The following DNAH11 variants were observed in gnomAD, a reference collection of about 807,000 sequenced individuals.
DNAH11 encodes the protein dynein axonemal heavy chain 11, also known as axonemal beta dynein heavy chain 11.
DNAH11 carries 442 observed loss-of-function variants against 526.0 expected under a neutral mutation model. The ratio of observed to expected loss-of-function variants is 0.84; its 90% confidence interval spans 0.78 to 0.91. The LOEUF is 0.91. Ranked by LOEUF, DNAH11 falls within the 40% of genes least tolerant of loss-of-function variation. The probability of loss-of-function intolerance (pLI) is 0.00; values close to 1 mark genes in which losing one functional copy is unlikely to be tolerated. For synonymous variants in DNAH11, 2,461 were observed against 1,935.9 expected (o/e 1.27, Z -7.12); for missense variants, 6,989 against 5,448.7 (o/e 1.28, Z -8.90).
At chr7:21,727,053 A>C (rs1398569173) in intron 45 of DNAH11, among the ~76,000 whole-genome samples, 11 of 141,688 alleles carry the variant, frequency 7.8e-5, no homozygotes, top group African/African-American at 2.9e-4. Flanking sequence ...CCTGCCTCAG[A>C]CTCCCAAGTA....
In DNAH11 at chr7:21,880,716, A is replaced by G; in HGVS notation, c.12210A>G (p.Ile4070Met). ...LYNFDQDTLE[I>M]CSKEQEFKSI... ...TTTTTTCCCAGGATACACTTGAAAT[A>G]TGCTCCAAGGAGCAGGAGTTTAAAA... The change falls in exon 75 of 82, where the codon ATA (isoleucine) becomes ATG (methionine). Residue 4070 changes from isoleucine (I) to methionine (M), a missense_variant. Coordinates refer to ENST00000409508, the MANE Select transcript of DNAH11 (RefSeq NM_001277115.2). 8 of 1,613,892 alleles carry G rather than the reference A, an allele frequency of 5.0e-6. No homozygotes were observed. The highest frequency in any genetic ancestry group is 1.1e-5 in the South Asian group (1 of 91,066).
intron 9 of DNAH11, among the ~76,000 whole-genome samples, chr7:21,584,155 G>A (rs530012781): frequency 3.9e-5 from 6 of 152,128 alleles, no homozygotes; most frequent in Non-Finnish European, 8.8e-5. Context: ...ACTGTTCACA[G>A]TAGCAAAGAC....
chr7:21,725,003 A>AC (rs1785042363), intron 44 of DNAH11, among the ~76,000 whole-genome samples: 2 of 152,232 alleles, frequency 1.3e-5, no homozygotes, highest in African/African-American at 4.8e-5. Flanking sequence ...CATCCTGTGG[A>AC]TATAGAAGGG....
rs1783300629 is a variant in DNAH11, at chr7:21,866,823, G to A, written c.11690+160G>A. Reference sequence around the variant, plus strand: ...ATAATCACTGCTACTGTTAAAATTTGCTAAACACTAAACCATGTGCTAGGC... The same window carrying A: ...ATAATCACTGCTACTGTTAAAATTTACTAAACACTAAACCATGTGCTAGGC... On this transcript the variant is annotated intron_variant, in intron 71 of 81. Coordinates refer to ENST00000409508, the MANE Select transcript of DNAH11 (RefSeq NM_001277115.2). Among the ~76,000 whole-genome samples, 4 of 152,116 alleles carry A rather than the reference G, an allele frequency of 2.6e-5. No homozygotes were observed. The South Asian group carries it at 8.3e-4, about 32-fold the overall frequency.
chr7:21,812,830 C>T (rs1370738474), intron 63 of DNAH11, among the ~76,000 whole-genome samples: 2 of 152,276 alleles, frequency 1.3e-5, no homozygotes, highest in African/African-American at 4.8e-5. Context: ...GATGCTGAAT[C>T]ACTTGGGGGA....
chr7:21,800,993 C>G lies in DNAH11; in HGVS notation c.10027-144C>G. On this transcript the variant is annotated intron_variant, in intron 61 of 81. Coordinates refer to ENST00000409508, the MANE Select transcript of DNAH11 (RefSeq NM_001277115.2). Reference sequence around the variant, plus strand: ...ATTATATCCTTCTTTTCCTTCTTCCCTAAAATACGTATGGTAAAGGGGCAA... The same window carrying G: ...ATTATATCCTTCTTTTCCTTCTTCCGTAAAATACGTATGGTAAAGGGGCAA... The G allele has an allele frequency of 8.5e-6, 7 of 827,332 alleles. No homozygotes were observed. The South Asian group carries it at 1.1e-4, about 13-fold the overall frequency. The allele number at this position is 827,332 out of a possible 1,614,324, so 51.2% of individuals were successfully genotyped here. A position where few individuals can be genotyped will look rare whatever the true frequency, so the allele number is the denominator to read the frequency against.
At chr7:21,811,966 C>G (rs974428091) in intron 63 of DNAH11, among the ~76,000 whole-genome samples, 1 of 152,128 alleles carries the variant, frequency 6.6e-6, no homozygotes, top group African/African-American at 2.4e-5. Flanking sequence ...AGACATATCA[C>G]CATCATGGGG....
At chr7:21,869,230 G>A (rs1783406603) in intron 73 of DNAH11, among the ~76,000 whole-genome samples, 1 of 152,316 alleles carries the variant, frequency 6.6e-6, no homozygotes, top group Non-Finnish European at 1.5e-5. Flanking sequence ...AAACTATTAG[G>A]AAGAACTTCG....
At chr7:21,707,582 C>A (rs1583613615) in intron 39 of DNAH11, 117 bp from the exon 40 acceptor site, 1 of 1,272,726 alleles carries the variant, frequency 7.9e-7, no homozygotes, top group Non-Finnish European at 1.1e-6. Context: ...TCGATCTTAG[C>A]ACACACACAG....
chr7:21,591,163 T>G (rs970852702), intron 13 of DNAH11, 22 bp from the exon 14 acceptor site: 47 of 1,519,966 alleles, frequency 3.1e-5, no homozygotes, highest in Non-Finnish European at 3.9e-5. Context: ...GCACTTTTTG[T>G]TTTGGGGTTT....
intron 30 of DNAH11, among the ~76,000 whole-genome samples, chr7:21,663,935 A>G (rs1782329508): frequency 1.3e-5 from 2 of 152,036 alleles, no homozygotes; most frequent in Admixed American, 1.3e-4. Context: ...TCTCTGGTAT[A>G]TATCTCCATT....
Position 21,617,754 on chromosome 7 carries a change from C to T in DNAH11, c.4231C>T (p.His1411Tyr). 6.2e-7 allele frequency: 1 copy of T among 1,605,096 alleles called. No individual in the cohort carries two copies. Among genetic ancestry groups the T allele is most frequent in the Non-Finnish European group, 8.5e-7 (1 of 1,176,156 alleles). Reference sequence around the variant, plus strand: ...CCCTGCCCTCAGGGACAGGCATTGGCACCAGCTGATGAAAGCTATTGGGGT... The same window carrying T: ...CCCTGCCCTCAGGGACAGGCATTGGTACCAGCTGATGAAAGCTATTGGGGT... Reference protein sequence around the residue: ...QSPALRDRHWHQLMKAIGVKF... With the variant: ...QSPALRDRHWYQLMKAIGVKF... The change falls in exon 23 of 82, where the codon CAC becomes TAC. Residue 1411 changes from histidine (H) to tyrosine (Y), a missense_variant. By Grantham distance (83) the His-to-Tyr change is moderately conservative (BLOSUM62 2). Coordinates refer to ENST00000409508, the MANE Select transcript of DNAH11 (RefSeq NM_001277115.2).
chr7:21,640,672 C>G (rs1787086863), intron 28 of DNAH11, among the ~76,000 whole-genome samples: 1 of 152,090 alleles, frequency 6.6e-6, no homozygotes, highest in Non-Finnish European at 1.5e-5. Flanking sequence ...TAGCAGACCC[C>G]TTAATAATAT....
chr7:21,774,440 T>C (rs1171194746), intron 56 of DNAH11, among the ~76,000 whole-genome samples: 1 of 152,150 alleles, frequency 6.6e-6, no homozygotes, highest in Non-Finnish European at 1.5e-5. Context: ...CCTCCCTTAG[T>C]GACTTGTCTG....
At position 21,615,241 on chromosome 7, in the gene DNAH11, A is replaced by G. The variant is rs1282282699; in HGVS notation, c.3980A>G (p.Lys1327Arg). Residue 1327 changes from lysine to arginine, a missense_variant, in exon 21 of 82, where the codon AAG becomes AGG. Coordinates refer to ENST00000409508, the MANE Select transcript of DNAH11 (RefSeq NM_001277115.2). ...KQCRKEIKLLKGLWDVIIYVR... is the reference protein window; with the variant it reads ...KQCRKEIKLLRGLWDVIIYVR... ...TGTCGCAAAGAAATAAAATTGCTCA[A>G]GGGACTGTGGGATGTCATTATTTAT... The G allele has an allele frequency of 1.9e-6, 3 of 1,613,318 alleles. No homozygotes were observed. Among genetic ancestry groups the G allele is most frequent in the South Asian group, 1.1e-5 (1 of 90,978 alleles).
At chr7:21,762,959 C>T (rs1786987739) in intron 54 of DNAH11, among the ~76,000 whole-genome samples, 2 of 152,020 alleles carry the variant, frequency 1.3e-5, no homozygotes, top group Admixed American at 6.6e-5. Context: ...AAAATATTTG[C>T]CAGCTGTGTA....
In DNAH11 at chr7:21,720,840, C is replaced by A; in HGVS notation, c.7250C>A (p.Thr2417Asn). Residue 2417 changes from threonine (T) to asparagine (N), a missense_variant, in exon 44 of 82, where the codon ACC (threonine) becomes AAC (asparagine). By Grantham distance (65) the Thr-to-Asn change is moderately conservative (BLOSUM62 0). Transcript: ENST00000409508. ...GCTTGTATCTGGGCTTTTGGAGGCA[C>A]CCTGCTACAAGATCAGGTATGTTTA... Reference protein sequence around the residue: ...VFACIWAFGGTLLQDQISDYQ... With the variant: ...VFACIWAFGGNLLQDQISDYQ... 1 of 1,612,844 alleles carries A rather than the reference C, an allele frequency of 6.2e-7. No homozygotes were observed. Among genetic ancestry groups the A allele is most frequent in the East Asian group, 2.2e-5 (1 of 44,836 alleles).
rs376101226 is a variant in DNAH11 at position 21,681,667 on chromosome 7, T to C, written c.5450T>C (p.Ile1817Thr). 1 of 1,613,976 alleles carries C rather than the reference T, an allele frequency of 6.2e-7. No individual in the cohort carries two copies. Among genetic ancestry groups the C allele is most frequent in the South Asian group, 1.1e-5 (1 of 91,088 alleles). ...VHARDVVAKL[I>T]SQKVVSPQAF... Reference sequence around the variant, plus strand: ...GCCAGAGACGTGGTGGCAAAACTTATTTCTCAGAAGGCAAGTTGTTTGTAG... The same window carrying C: ...GCCAGAGACGTGGTGGCAAAACTTACTTCTCAGAAGGCAAGTTGTTTGTAG... The change falls in exon 31 of 82, where the codon ATT becomes ACT. Residue 1817 changes from isoleucine to threonine, a missense_variant. Ile to Thr is a moderately conservative substitution (Grantham distance 89). Coordinates refer to ENST00000409508, the MANE Select transcript of DNAH11 (RefSeq NM_001277115.2).
intron 25 of DNAH11, among the ~76,000 whole-genome samples, chr7:21,620,379 T>A (rs1351148164): frequency 6.6e-6 from 1 of 152,096 alleles, no homozygotes; most frequent in Non-Finnish European, 1.5e-5. Flanking sequence ...CAACAGCTCC[T>A]CTTGCCCCCT....
Sources: allele counts gnomAD v4.1 joint callset (sites outside exome capture counted in the v4.1 genomes callset), GRCh38; gene constraint gnomAD v4.1.1; transcripts MANE v1.5; gene names NCBI Gene and HGNC (gene_info 2026-07-23, HGNC 2026-07-21).